The following SERGEF variants were observed in gnomAD, a reference collection of about 807,000 sequenced individuals.
The protein encoded by SERGEF is secretion regulating guanine nucleotide exchange factor.
SERGEF carries 51 observed loss-of-function variants against 50.0 expected under a neutral mutation model. The observed-to-expected ratio is 1.02, with a 90% CI of 0.81 to 1.29. SERGEF has a LOEUF of 1.29. SERGEF is among the 50% of genes most tolerant of loss of function. SERGEF has a pLI of 0.00. For missense variants in SERGEF, 521 were observed against 557.0 expected (o/e 0.94, Z 0.65); for synonymous variants, 205 against 212.4 (o/e 0.97, Z 0.30).
At chr11:17,885,841 A>AG (rs1329679640) in intron 9 of SERGEF, among the ~76,000 whole-genome samples, 3 of 151,882 alleles carry the variant, frequency 2.0e-5, no homozygotes, top group Non-Finnish European at 4.4e-5. Flanking sequence ...AACCAACTCT[A>AG]CAAGGCCTAG....
At position 17,959,467 on chromosome 11, in the gene SERGEF, T is replaced by G; in HGVS notation, c.1011+3A>C. The G allele has an allele frequency of 1.9e-6, 3 of 1,612,292 alleles. No individual in the cohort carries two copies. Among genetic ancestry groups the G allele is most frequent in the Non-Finnish European group, 2.5e-6 (3 of 1,179,208 alleles). ...ATTACATCTGTGAGAAGTCACTTCC[T>G]ACCTCAGTTGCTCCAGTTAAGCAAT... On this transcript the variant is annotated splice_donor_region_variant and intron_variant, in intron 9 of 10. Coordinates refer to ENST00000265965, the MANE Select transcript of SERGEF (RefSeq NM_012139.4).
At chr11:17,873,388 A>C (rs1232410075) in intron 10 of SERGEF, among the ~76,000 whole-genome samples, 2 of 152,150 alleles carry the variant, frequency 1.3e-5, no homozygotes, top group Non-Finnish European at 2.9e-5. Context: ...AGAAACATAC[A>C]AATTTGTATC....
intron 9 of SERGEF, among the ~76,000 whole-genome samples, chr11:17,902,864 A>T (rs1020353933): frequency 6.6e-6 from 1 of 152,218 alleles, no homozygotes; most frequent in Non-Finnish European, 1.5e-5. Context: ...TCTACCAGAC[A>T]TCACCTGCCC....
chr11:17,841,213 T>C (rs1850496835), intron 10 of SERGEF, among the ~76,000 whole-genome samples: 1 of 152,204 alleles, frequency 6.6e-6, no homozygotes, highest in Non-Finnish European at 1.5e-5. Flanking sequence ...GGCCTACCCT[T>C]GGTGGCCATG....
At chr11:17,841,243 C>T (rs1850497189) in intron 10 of SERGEF, among the ~76,000 whole-genome samples, 1 of 152,208 alleles carries the variant, frequency 6.6e-6, no homozygotes, top group Non-Finnish European at 1.5e-5. Flanking sequence ...TATCCATACC[C>T]AGATGTCTAA....
chr11:17,839,192 T>C (rs1315148164), intron 10 of SERGEF, among the ~76,000 whole-genome samples: 1 of 152,204 alleles, frequency 6.6e-6, no homozygotes, highest in Admixed American at 6.5e-5. Flanking sequence ...GAATTTTGCC[T>C]TGGGTGTCAA....
At chr11:17,906,810 C>G (rs1162864950) in intron 9 of SERGEF, among the ~76,000 whole-genome samples, 1 of 136,222 alleles carries the variant, frequency 7.3e-6, no homozygotes, top group African/African-American at 2.9e-5. Flanking sequence ...CACAGCCATA[C>G]ACTTCTATCA....
chr11:17,862,831 C>A (rs1850950200), intron 10 of SERGEF, among the ~76,000 whole-genome samples: 1 of 152,170 alleles, frequency 6.6e-6, no homozygotes, highest in Non-Finnish European at 1.5e-5. Context: ...GTCAAAGCTG[C>A]CCAATGTCAC....
chr11:17,918,670 T>A (rs1213656322), intron 9 of SERGEF: 13 of 427,508 alleles, frequency 3.0e-5, no homozygotes, highest in African/African-American at 6.4e-5. Flanking sequence ...ACACTCTCTC[T>A]CTCTCTCTCT....
intron 10 of SERGEF, among the ~76,000 whole-genome samples, chr11:17,834,786 A>C (rs1460908880): frequency 6.6e-6 from 1 of 152,124 alleles, no homozygotes; most frequent in Non-Finnish European, 1.5e-5. Flanking sequence ...AATCACATGG[A>C]TCTCTTTTAC....
intron 10 of SERGEF, among the ~76,000 whole-genome samples, chr11:17,841,022 C>T (rs1445326461): frequency 1.3e-5 from 2 of 152,194 alleles, no homozygotes; most frequent in African/African-American, 2.4e-5. Flanking sequence ...CAGAGTCTCT[C>T]CCCAGACTGT....
chr11:17,788,152 C>G lies in SERGEF; in HGVS notation c.1310G>C (p.Trp437Ser), dbSNP rs142186833. The change falls in exon 11 of 11, where the codon TGG (tryptophan) becomes TCG (serine). Residue 437 changes from tryptophan to serine, a missense_variant. Transcript: ENST00000265965. ...SQKAMDKERN[W>S]KERQSETSTQ... is the part of the protein sequence containing the mutation. Reference sequence around the variant, plus strand: ...TGAAGTTTCTGATTGTCTTTCCTTCCAGTTTCTCTCTTTGTCCATGGCTTT... The same window carrying G: ...TGAAGTTTCTGATTGTCTTTCCTTCGAGTTTCTCTCTTTGTCCATGGCTTT... The G allele has an allele frequency of 6.3e-7, 1 of 1,584,238 alleles. No individual in the cohort carries two copies. Among genetic ancestry groups the G allele is most frequent in the African/African-American group, 1.3e-5 (1 of 74,288 alleles).
At chr11:18,008,825 C>T (rs1029734556) in intron 1 of SERGEF, among the ~76,000 whole-genome samples, 1 of 151,992 alleles carries the variant, frequency 6.6e-6, no homozygotes, top group African/African-American at 2.4e-5. Flanking sequence ...AATGAGAACA[C>T]TATCCAGCGT....
intron 9 of SERGEF, among the ~76,000 whole-genome samples, chr11:17,882,415 T>C (rs1347096788): frequency 7.9e-5 from 9 of 113,988 alleles, no homozygotes; most frequent in African/African-American, 3.0e-4. Flanking sequence ...CAAGAGTCAG[T>C]CTCAAAAAAA....
intron 10 of SERGEF, among the ~76,000 whole-genome samples, chr11:17,829,758 G>C (rs1223996778): frequency 6.6e-6 from 1 of 152,082 alleles, no homozygotes; most frequent in East Asian, 1.9e-4. Flanking sequence ...AACTTTTAGG[G>C]GTGACAATGT....
chr11:18,008,620 A>G (rs1590251277), intron 1 of SERGEF, among the ~76,000 whole-genome samples: 1 of 152,166 alleles, frequency 6.6e-6, no homozygotes, highest in African/African-American at 2.4e-5. Flanking sequence ...AATGGCCAGG[A>G]AAAGAGAGGC....
intron 10 of SERGEF, among the ~76,000 whole-genome samples, chr11:17,817,558 T>G (rs1414858605): frequency 6.6e-6 from 1 of 152,136 alleles, no homozygotes; most frequent in African/African-American, 2.4e-5. Flanking sequence ...CTCTTTGAAT[T>G]AGGATCTATC....
At chr11:17,866,821 C>T (rs919423568) in intron 10 of SERGEF, 18 of 152,170 alleles carry the variant, frequency 1.2e-4, no homozygotes, top group East Asian at 3.9e-4. Flanking sequence ...GCCTCACAAT[C>T]GTGGCAGAAG....
intron 10 of SERGEF, among the ~76,000 whole-genome samples, chr11:17,795,557 G>A (rs143818679): frequency 5.3e-5 from 8 of 152,252 alleles, no homozygotes; most frequent in African/African-American, 1.9e-4. Context: ...CCCTTAGCTG[G>A]CTCCCAAGGC....
Sources: allele counts gnomAD v4.1 joint callset (sites outside exome capture counted in the v4.1 genomes callset), GRCh38; gene constraint gnomAD v4.1.1; transcripts MANE v1.5; gene names NCBI Gene and HGNC (gene_info 2026-07-23, HGNC 2026-07-21).